Variants in KIF4A observed in about 807,000 individuals in gnomAD.
KIF4A encodes the protein kinesin family member 4A, also known as chromosome-associated kinesin KIF4A.
A neutral mutation model predicts 105.9 loss-of-function variants in KIF4A; 7 were observed. That is an observed-to-expected ratio of 0.07 (90% CI 0.04 to 0.12). The LOEUF (loss-of-function observed/expected upper bound fraction) is 0.12. Ranked by LOEUF, KIF4A falls within the 10% of genes least tolerant of loss-of-function variation. KIF4A has a pLI of 1.00. For missense variants in KIF4A, 558 were observed against 929.2 expected (o/e 0.60, Z 5.19); for synonymous variants, 281 against 331.3 (o/e 0.85, Z 1.65).
intron 10 of KIF4A, 52 bp from the exon 11 acceptor site, chrX:70,341,747 A>G (rs1262225505): frequency 2.6e-6 from 3 of 1,140,820 alleles, no homozygotes; most frequent in African/African-American, 3.6e-5. Flanking sequence ...CACCTTTGAT[A>G]TAGGTATTAT....
intron 15 of KIF4A, among the ~76,000 whole-genome samples, chrX:70,371,926 A>G (rs1473005824): frequency 3.2e-5 from 3 of 94,715 alleles, no homozygotes; most frequent in African/African-American, 1.2e-4. Flanking sequence ...CACTTCTCAG[A>G]CGGGGTGGCC....
chrX:70,307,241 C>T (rs894599605), intron 7 of KIF4A, among the ~76,000 whole-genome samples: 10 of 109,966 alleles, frequency 9.1e-5, no homozygotes, highest in Non-Finnish European at 1.9e-4. Context: ...TTATCCTTTC[C>T]AATGCTATTG....
intron 18 of KIF4A, among the ~76,000 whole-genome samples, 164 bp downstream of exon 18, chrX:70,376,374 A>ACT (rs1189803306): frequency 4.5e-5 from 5 of 112,124 alleles, no homozygotes; most frequent in African/African-American, 1.6e-4. Context: ...TGTGCAAGGT[A>ACT]CTATCTACTA....
rs773778998 is a variant in KIF4A at position 70,372,390 on chromosome X, C to T, written c.1675-1761C>T. Among the ~76,000 whole-genome samples the T allele has an allele frequency of 3.2e-3, 361 of 113,107 alleles. 2 individuals carry two copies. Among genetic ancestry groups the T allele is most frequent in the African/African-American group, 0.011 (349 of 31,209 alleles). ...GTGAACCAGACTCCGTCTGCAATCCCGGCACCTCGGGAGGCCGAGGCTGGC... is the reference window on the plus strand; with the variant it reads ...GTGAACCAGACTCCGTCTGCAATCCTGGCACCTCGGGAGGCCGAGGCTGGC... On this transcript the variant is annotated intron_variant, in intron 15 of 30. Coordinates refer to ENST00000374403, the MANE Select transcript of KIF4A (RefSeq NM_012310.5).
chrX:70,359,886 G>C (rs899493317), intron 15 of KIF4A, among the ~76,000 whole-genome samples: 2 of 111,265 alleles, frequency 1.8e-5, no homozygotes, highest in African/African-American at 6.5e-5. Flanking sequence ...GAGAATAGAT[G>C]CTGGGTTAAC....
At chrX:70,311,966 G>GA (rs898784751) in intron 7 of KIF4A, among the ~76,000 whole-genome samples, 25 of 98,320 alleles carry the variant, frequency 2.5e-4, no homozygotes, top group East Asian at 3.2e-4. Flanking sequence ...AAAAAAAAAA[G>GA]AAAAAAAAAT....
chrX:70,395,673 T>C lies in KIF4A; in HGVS notation c.2235T>C (p.Asn745=), dbSNP rs780556114. ...GMEGTAARVK[N]WLGNEIEVMV... is the part of the protein sequence containing the mutation. ...GACATCACTGATTTCTCTTCCAGAA[T>C]TGGCTTGGAAACGAAATTGAGGTTA... is the stretch of plus-strand genomic sequence containing the variant. Residue 745 remains asparagine, a splice_region_variant and synonymous_variant, in exon 21 of 31, where the codon AAT becomes AAC. Coordinates refer to ENST00000374403, the MANE Select transcript of KIF4A (RefSeq NM_012310.5). 2.5e-6 allele frequency: 3 copies of C among 1,209,414 alleles called. No individual in the cohort carries two copies. In the African/African-American group the frequency reaches 5.3e-5, roughly 21 times the overall value.
intron 22 of KIF4A, among the ~76,000 whole-genome samples, chrX:70,400,063 G>A (rs1456189594): frequency 9.8e-6 from 1 of 102,113 alleles, no homozygotes; most frequent in Non-Finnish European, 2.0e-5. Context: ...GGGTACATGT[G>A]CACATTGTGC....
chrX:70,420,175 C>G lies in KIF4A; in HGVS notation c.3609C>G (p.Asn1203Lys). 8.3e-7 allele frequency: 1 copy of G among 1,211,059 alleles called. No individual in the cohort carries two copies. The highest frequency in any genetic ancestry group is 1.1e-6 in the Non-Finnish European group (1 of 895,345). Residue 1203 changes from asparagine (N) to lysine (K), a missense_variant, in exon 31 of 31, where the codon AAC (asparagine) becomes AAG (lysine). By Grantham distance (94) the Asn-to-Lys change is moderately conservative (BLOSUM62 0). This residue lies in a region of KIF4A where 469 missense variants were observed against 680.4 expected (regional missense o/e 0.69). Coordinates refer to ENST00000374403, the MANE Select transcript of KIF4A (RefSeq NM_012310.5). The part of the protein sequence containing the change: ...LKHVATEYQE[N>K]KAPGKKKKRA... The stretch of plus-strand genomic sequence containing the variant: ...ATGTAGCAACAGAATACCAAGAAAA[C>G]AAGGCTCCAGGGAAGAAAAAGAAAC...
intron 10 of KIF4A, among the ~76,000 whole-genome samples, chrX:70,336,549 G>A (rs1053664433): frequency 2.7e-5 from 3 of 111,441 alleles, no homozygotes; most frequent in African/African-American, 3.3e-5. Context: ...ATTTTTGGCA[G>A]TCTGATAGGT....
intron 7 of KIF4A, among the ~76,000 whole-genome samples, chrX:70,318,606 T>C (rs1293917106): frequency 8.9e-6 from 1 of 112,271 alleles, no homozygotes; most frequent in African/African-American, 3.2e-5. Context: ...TTTCAATGTA[T>C]GAGAGTCCTA....
chrX:70,332,976 G>T (rs1229177009), intron 9 of KIF4A, among the ~76,000 whole-genome samples: 1 of 111,634 alleles, frequency 9.0e-6, no homozygotes, highest in East Asian at 2.8e-4. Context: ...AAACTTGAGA[G>T]TAGGGGTCAT....
At chrX:70,321,555 CTG>C (rs2085890321) in intron 7 of KIF4A, among the ~76,000 whole-genome samples, 1 of 111,247 alleles carries the variant, frequency 9.0e-6, no homozygotes, top group African/African-American at 3.3e-5. Context: ...GCCATTACTC[CTG>C]TGTGTTTTCT....
At chrX:70,384,283 A>G (rs781381621) in intron 18 of KIF4A, among the ~76,000 whole-genome samples, 1 of 112,035 alleles carries the variant, frequency 8.9e-6, no homozygotes, top group Non-Finnish European at 1.9e-5. Flanking sequence ...CTTTCAAAAA[A>G]TGAAGGAAGT....
chrX:70,334,416 A>G (rs1049165337), intron 10 of KIF4A, among the ~76,000 whole-genome samples: 1 of 112,097 alleles, frequency 8.9e-6, no homozygotes, highest in Admixed American at 9.4e-5. Context: ...TTCCAATGTG[A>G]CAGGGTTCAT....
rs377658516 is a variant in KIF4A at position 70,307,064 on chromosome X, G to A, written c.778+4666G>A. Among the ~76,000 whole-genome samples, 33 of 110,254 alleles carry A rather than the reference G, an allele frequency of 3.0e-4. No homozygotes were observed. The East Asian group carries it at 9.4e-3, about 31-fold the overall frequency. ...TGGTCTTGAATGCCTGGCCTCAAGT[G>A]ATCTTCCTGCCTTTACCTCCCAAAG... On this transcript the variant is annotated intron_variant, in intron 7 of 30. Transcript: ENST00000374403.
chrX:70,347,366 A>G (rs1032183104), intron 13 of KIF4A, among the ~76,000 whole-genome samples: 2 of 112,389 alleles, frequency 1.8e-5, no homozygotes, highest in African/African-American at 6.5e-5. Flanking sequence ...ATATATTTAC[A>G]TTTAGGATTA....
At chrX:70,317,349 C>G (rs747238263) in intron 7 of KIF4A, among the ~76,000 whole-genome samples, 13 of 111,210 alleles carry the variant, frequency 1.2e-4, no homozygotes, top group African/African-American at 4.2e-4. Context: ...ACATAGCATA[C>G]ATACAGAACA....
At chrX:70,398,636 C>CT (rs1411519935) in intron 22 of KIF4A, among the ~76,000 whole-genome samples, 5 of 111,862 alleles carry the variant, frequency 4.5e-5, no homozygotes, top group Non-Finnish European at 9.4e-5. Flanking sequence ...TCCTTGTTCT[C>CT]TAAACTCTTT....
Sources: gnomAD v4.1 joint callset for allele counts (sites outside exome capture counted in the v4.1 genomes callset) on GRCh38, gnomAD v4.1.1 for gene constraint, gnomAD v4.1.1 regional missense constraint, MANE v1.5 for transcripts, NCBI Gene and HGNC (gene_info 2026-07-23, HGNC 2026-07-21) for gene names.